The following PCDHA1 variants were observed in gnomAD, a reference collection of about 807,000 sequenced individuals.
The protein encoded by PCDHA1 is protocadherin alpha-1.
PCDHA1 carries 42 observed loss-of-function variants against 61.3 expected under a neutral mutation model. The observed-to-expected ratio is 0.69, with a 90% CI of 0.54 to 0.89. The LOEUF (loss-of-function observed/expected upper bound fraction) is 0.89. Among genes scored for constraint, PCDHA1 ranks in the 40% least tolerant of loss-of-function variants. The probability of loss-of-function intolerance (pLI) is 0.00; values close to 1 mark genes in which losing one functional copy is unlikely to be tolerated. For synonymous variants in PCDHA1, 610 were observed against 553.8 expected (o/e 1.10, Z -1.43); for missense variants, 1,256 against 1,235.3 (o/e 1.02, Z -0.25).
chr5:140,843,735 G>T (rs1554140393), intron 1 of PCDHA1: 1 of 1,548,324 alleles, frequency 6.5e-7, no homozygotes, highest in African/African-American at 1.4e-5. Context: ...TTTAAATTTA[G>T]AACTCATAAA....
chr5:140,924,901 A>AAAATAAAAT (rs1554202314), intron 1 of PCDHA1, among the ~76,000 whole-genome samples: 2 of 80,456 alleles, frequency 2.5e-5, no homozygotes, highest in African/African-American at 8.6e-5. Context: ...TCTCAAAAAA[A>AAAATAAAAT]AAAATAAAAT....
chr5:140,842,235 G>A (rs201880118), intron 1 of PCDHA1: 39 of 1,612,410 alleles, frequency 2.4e-5, no homozygotes, highest in Non-Finnish European at 3.0e-5. Flanking sequence ...ATAGTGATTC[G>A]GGGTAATTTG....
At chr5:140,830,378 G>A in intron 1 of PCDHA1, 1 of 1,614,122 alleles carries the variant, frequency 6.2e-7, no homozygotes, top group Non-Finnish European at 8.5e-7. Context: ...CTCCGGGGAG[G>A]GCCCACCCAA....
chr5:140,797,347 G>A, intron 1 of PCDHA1: 1 of 1,613,800 alleles, frequency 6.2e-7, no homozygotes. Context: ...AGAATACGTA[G>A]GAAAGGTGAG....
intron 3 of PCDHA1, among the ~76,000 whole-genome samples, chr5:141,000,393 C>CTATA (rs1563650230): frequency 1.3e-4 from 7 of 52,858 alleles, no homozygotes; most frequent in Admixed American, 2.8e-4. Context: ...CTCTCTCTCT[C>CTATA]TCTATATATA....
At chr5:140,793,105 T>G (rs1242978699) in intron 1 of PCDHA1, among the ~76,000 whole-genome samples, 1 of 152,244 alleles carries the variant, frequency 6.6e-6, no homozygotes, top group Non-Finnish European at 1.5e-5. Context: ...GGATTTTTGC[T>G]GGACTATTAG....
intron 1 of PCDHA1, chr5:140,926,714 C>G: frequency 1.1e-6 from 1 of 951,084 alleles, no homozygotes; most frequent in Non-Finnish European, 1.4e-6. Context: ...TGGCCAGCCC[C>G]GGCAATGCCG....
At chr5:140,917,015 G>A (rs538557329) in intron 1 of PCDHA1, among the ~76,000 whole-genome samples, 1 of 152,240 alleles carries the variant, frequency 6.6e-6, no homozygotes, top group East Asian at 1.9e-4. Flanking sequence ...CTCCCTTCAT[G>A]TGCAGCTGCT....
chr5:140,892,424 C>T (rs1288815822), intron 1 of PCDHA1, among the ~76,000 whole-genome samples: 1 of 152,040 alleles, frequency 6.6e-6, no homozygotes, highest in Non-Finnish European at 1.5e-5. Context: ...CTAGATAAAA[C>T]CTCATTATCT....
At chr5:140,833,364 G>C (rs1298324769) in intron 1 of PCDHA1, among the ~76,000 whole-genome samples, 1 of 152,118 alleles carries the variant, frequency 6.6e-6, no homozygotes, top group Admixed American at 6.6e-5. Context: ...AACACAGTAA[G>C]GTAGATCCAA....
chr5:140,841,754 T>C (rs1777466378), intron 1 of PCDHA1: 2 of 1,613,818 alleles, frequency 1.2e-6, no homozygotes, highest in South Asian at 2.2e-5. Context: ...TGTTTCAGAA[T>C]CCAGAATGCC....
chr5:140,877,372 A>T, intron 1 of PCDHA1: 6 of 1,613,992 alleles, frequency 3.7e-6, no homozygotes, highest in Non-Finnish European at 5.1e-6. Flanking sequence ...GATCAGCACG[A>T]CACGCATCCT....
At chr5:140,860,679 T>C (rs1465789150) in intron 1 of PCDHA1, 1 of 152,238 alleles carries the variant, frequency 6.6e-6, no homozygotes, top group Non-Finnish European at 1.5e-5. Flanking sequence ...AATGCACTTA[T>C]GTTTTGAGCG....
At chr5:140,917,339 A>T (rs1199530347) in intron 1 of PCDHA1, among the ~76,000 whole-genome samples, 36 of 112,892 alleles carry the variant, frequency 3.2e-4, no homozygotes, top group East Asian at 2.4e-3. Context: ...GAGGGGGGGG[A>T]TGGTGTAGGC....
chr5:140,936,981 T>C (rs2153630854), intron 1 of PCDHA1, among the ~76,000 whole-genome samples: 1 of 152,330 alleles, frequency 6.6e-6, no homozygotes, highest in South Asian at 2.1e-4. Flanking sequence ...ATGAAGCTTG[T>C]TAACATTGAC....
chr5:140,869,274 G>A, intron 1 of PCDHA1: 1 of 1,613,594 alleles, frequency 6.2e-7, no homozygotes. Context: ...TGGAGCTGGC[G>A]GAGCTGGTGC....
intron 1 of PCDHA1, among the ~76,000 whole-genome samples, chr5:140,918,473 T>A (rs1385942505): frequency 6.6e-6 from 1 of 152,166 alleles, no homozygotes; most frequent in African/African-American, 2.4e-5. Context: ...ATTCCAAGTC[T>A]CAAGGGGAAT....
intron 3 of PCDHA1, among the ~76,000 whole-genome samples, chr5:140,999,034 T>A (rs953509791): frequency 6.6e-6 from 1 of 152,210 alleles, no homozygotes; most frequent in East Asian, 1.9e-4. Flanking sequence ...TGATACTTCG[T>A]CCAGTGTGCT....
intron 3 of PCDHA1, among the ~76,000 whole-genome samples, chr5:141,004,902 G>A (rs1554259808): frequency 1.3e-5 from 2 of 152,084 alleles, no homozygotes; most frequent in African/African-American, 4.8e-5. Flanking sequence ...GCTCTGCCAG[G>A]GTGTAAGGAA....
Sources: allele counts gnomAD v4.1 joint callset (sites outside exome capture counted in the v4.1 genomes callset), GRCh38; gene constraint gnomAD v4.1.1; transcripts MANE v1.5; gene names NCBI Gene and HGNC (gene_info 2026-07-23, HGNC 2026-07-21).